SAMD4A: variants seen among roughly 807,000 people sequenced by gnomAD.
SAMD4A encodes sterile alpha motif domain containing 4A.
A neutral mutation model predicts 81.3 loss-of-function variants in SAMD4A; 33 were observed. The observed-to-expected ratio is 0.41, with a 90% confidence interval of 0.31 to 0.54. SAMD4A has a LOEUF of 0.54. SAMD4A is among the 20% of genes least tolerant of loss of function. SAMD4A has a pLI of 0.37. For missense variants in SAMD4A, 854 were observed against 951.1 expected, an observed-to-expected ratio of 0.90 and a Z score of 1.34; for synonymous variants, 389 against 382.1, an observed-to-expected ratio of 1.02 and a Z score of -0.21.
chr14:54,732,236 A>G (rs2037575841), intron 3 of SAMD4A, among the ~76,000 whole-genome samples: 1 of 152,220 alleles, frequency 6.6e-6, no homozygotes, highest in Non-Finnish European at 1.5e-5. Context: ...AAAAAAGACG[A>G]AAGGTCTATG....
intron 3 of SAMD4A, among the ~76,000 whole-genome samples, chr14:54,717,793 G>A (rs984252201): frequency 3.3e-5 from 5 of 151,756 alleles, no homozygotes; most frequent in African/African-American, 1.2e-4. Context: ...TTCAAGGTAA[G>A]CATCTTTGCA....
chr14:54,725,423 A>C (rs2037389671), intron 3 of SAMD4A, among the ~76,000 whole-genome samples: 1 of 152,240 alleles, frequency 6.6e-6, no homozygotes, highest in South Asian at 2.1e-4. Context: ...GGAAAAGCAG[A>C]AGTTTGTCAG....
intron 6 of SAMD4A, among the ~76,000 whole-genome samples, chr14:54,759,673 C>T (rs1305035361): frequency 6.6e-6 from 1 of 152,206 alleles, no homozygotes; most frequent in Non-Finnish European, 1.5e-5. Flanking sequence ...AATCCAAACC[C>T]CAGCCTCTGA....
intron 2 of SAMD4A, among the ~76,000 whole-genome samples, chr14:54,671,811 A>G (rs1283105105): frequency 6.6e-6 from 1 of 152,290 alleles, no homozygotes; most frequent in South Asian, 2.1e-4. Flanking sequence ...TCAGGGCTCA[A>G]CGCATAGGCC....
intron 10 of SAMD4A, 110 bp from the exon 11 acceptor site, chr14:54,776,304 A>T: frequency 8.5e-7 from 1 of 1,177,068 alleles, no homozygotes; most frequent in Non-Finnish European, 1.2e-6. Context: ...CCCCTTTTCT[A>T]GAAGTTAGAG....
At chr14:54,748,745 T>A in intron 4 of SAMD4A, 70 bp from the exon 5 acceptor site, 1 of 1,066,354 alleles carries the variant, frequency 9.4e-7, no homozygotes, top group East Asian at 2.6e-5. Context: ...TCTCTGTTCC[T>A]ACATCTCTCG....
At position 54,789,276 on chromosome 14, in the gene SAMD4A, C is replaced by A; in HGVS notation, c.*332C>A. 2 of 404,880 alleles carry A rather than the reference C, an allele frequency of 4.9e-6. No homozygotes were observed. Among genetic ancestry groups the A allele is most frequent in the Non-Finnish European group, 9.1e-6 (2 of 220,430 alleles). The allele number at this position is 404,880 out of a possible 1,614,324, so 25.1% of individuals were successfully genotyped here. ...AACGGGGACAGGGGAAAGAGTACTG[C>A]CATGAAAGAGATAGGAGACACATAA... On this transcript the variant is annotated 3_prime_UTR_variant, in exon 13 of 13. Transcript: ENST00000554335.
intron 11 of SAMD4A, among the ~76,000 whole-genome samples, chr14:54,780,905 T>C (rs570905542): frequency 1.3e-5 from 2 of 152,164 alleles, no homozygotes; most frequent in South Asian, 4.2e-4. Flanking sequence ...TCAGCTTGCC[T>C]GCTGCCCCAC....
intron 3 of SAMD4A, among the ~76,000 whole-genome samples, chr14:54,709,717 A>G (rs894589765): frequency 2.0e-5 from 3 of 152,220 alleles, no homozygotes; most frequent in African/African-American, 7.2e-5. Context: ...GGCTGTGACA[A>G]ACCTTACACA....
rs373494898 is a variant in SAMD4A, at chr14:54,706,253, C to G, written c.715+3673C>G. Among the ~76,000 whole-genome samples the G allele has an allele frequency of 2.4e-3, 333 of 140,174 alleles. 2 individuals are homozygous for G. The highest frequency in any genetic ancestry group is 8.0e-3 in the African/African-American group (307 of 38,306). The allele number at this position is 140,174 out of a possible 152,430, so 92.0% of individuals were successfully genotyped here. A position where few individuals can be genotyped will look rare whatever the true frequency, so the allele number is the denominator to read the frequency against. The stretch of plus-strand genomic sequence containing the variant: ...CTGTGATCGTGTCACTGCACTCCAG[C>G]CTGGGTGACAGAGCAAGACTTAGTC... On this transcript the variant is annotated intron_variant, in intron 3 of 12. Transcript: ENST00000554335.
chr14:54,770,335 T>C (rs2038667271), intron 9 of SAMD4A, 113 bp downstream of exon 9: 4 of 743,218 alleles, frequency 5.4e-6, no homozygotes, highest in East Asian at 5.0e-5. Flanking sequence ...TTCACGAAGA[T>C]GCCCTGTGGC....
chr14:54,682,419 C>T (rs1023739314), intron 2 of SAMD4A, among the ~76,000 whole-genome samples: 2 of 152,286 alleles, frequency 1.3e-5, no homozygotes, highest in Middle Eastern at 3.4e-3. Flanking sequence ...ATGGTAGCCA[C>T]GTGACAAACA....
intron 2 of SAMD4A, among the ~76,000 whole-genome samples, chr14:54,686,795 G>T (rs1461874056): frequency 6.6e-6 from 1 of 152,184 alleles, no homozygotes; most frequent in African/African-American, 2.4e-5. Flanking sequence ...AGGCAGCAGA[G>T]GCAGATCACA....
At chr14:54,763,661 G>C (rs1454929610) in intron 7 of SAMD4A, among the ~76,000 whole-genome samples, 1 of 152,174 alleles carries the variant, frequency 6.6e-6, no homozygotes, top group African/African-American at 2.4e-5. Context: ...GTCTCCTTGA[G>C]TGTCAGACAT....
intron 2 of SAMD4A, among the ~76,000 whole-genome samples, chr14:54,679,686 G>A (rs1392120413): frequency 1.3e-5 from 2 of 152,110 alleles, no homozygotes; most frequent in African/African-American, 4.8e-5. Flanking sequence ...ACCATTTTGT[G>A]TATTTTTAAT....
At position 54,590,640 on chromosome 14, in the gene SAMD4A, GTC is replaced by G. The variant is rs572375656; in HGVS notation, c.196+22534_196+22535del. Among the ~76,000 whole-genome samples the G allele has an allele frequency of 3.7e-3, 557 of 152,234 alleles. 6 individuals carry two copies. Among genetic ancestry groups the G allele is most frequent in the African/African-American group, 0.013 (532 of 41,522 alleles). On this transcript the variant is annotated intron_variant, in intron 2 of 12. Coordinates refer to ENST00000554335, the MANE Select transcript of SAMD4A (RefSeq NM_015589.6). ...TCTTCTCCTCTCCTAGCTGGTGGTA[GTC>G]TCTCTGTCAGCTGTGCTGAGTCCTT...
At chr14:54,633,120 C>T (rs1297032959) in intron 2 of SAMD4A, among the ~76,000 whole-genome samples, 1 of 152,150 alleles carries the variant, frequency 6.6e-6, no homozygotes, top group Non-Finnish European at 1.5e-5. Flanking sequence ...GAGGTTATAC[C>T]AACCTACAGT....
At chr14:54,787,186 A>G (rs983889521) in intron 12 of SAMD4A, among the ~76,000 whole-genome samples, 3 of 152,234 alleles carry the variant, frequency 2.0e-5, no homozygotes, top group Admixed American at 1.3e-4. Context: ...ATGGAGAAAG[A>G]GAGGCTCACA....
intron 2 of SAMD4A, among the ~76,000 whole-genome samples, chr14:54,598,221 G>C (rs1461605551): frequency 3.3e-5 from 5 of 152,162 alleles, no homozygotes; most frequent in Admixed American, 2.0e-4. Context: ...TTCAAACTTA[G>C]GCAGTGTGTT....
Sources: allele counts gnomAD v4.1 joint callset (sites outside exome capture counted in the v4.1 genomes callset), GRCh38; gene constraint gnomAD v4.1.1; transcripts MANE v1.5; gene names NCBI Gene and HGNC (gene_info 2026-07-23, HGNC 2026-07-21).